NBEA: variants seen among roughly 807,000 people sequenced by gnomAD.
The protein encoded by NBEA is lysosomal-trafficking regulator 2.
In NBEA, 44 loss-of-function variants were observed where a neutral mutation model predicts 343.4. That is an observed-to-expected ratio of 0.13 (90% confidence interval 0.10 to 0.16). NBEA has a LOEUF of 0.16. NBEA is among the 10% of genes least tolerant of loss of function. NBEA has a pLI of 1.00. For missense variants in NBEA, 2,555 were observed against 3,631.3 expected (o/e 0.70, Z 7.62); for synonymous variants, 1,175 against 1,238.7 (o/e 0.95, Z 1.08).
chr13:35,398,135 A>G (rs1379468083), intron 38 of NBEA, among the ~76,000 whole-genome samples: 1 of 152,162 alleles, frequency 6.6e-6, no homozygotes, highest in East Asian at 1.9e-4. Context: ...CCAGGAGGAA[A>G]TTCCATCTCA....
intron 10 of NBEA, among the ~76,000 whole-genome samples, chr13:35,074,375 G>A (rs1293236799): frequency 6.6e-6 from 1 of 152,002 alleles, no homozygotes; most frequent in Non-Finnish European, 1.5e-5. Flanking sequence ...TTATGTAGGT[G>A]ATACAAAATA....
At chr13:35,014,193 C>G (rs1164556888) in intron 1 of NBEA, among the ~76,000 whole-genome samples, 2 of 152,044 alleles carry the variant, frequency 1.3e-5, no homozygotes, top group East Asian at 1.9e-4. Context: ...GACCAGAGAA[C>G]ATTATTTTGT....
intron 1 of NBEA, among the ~76,000 whole-genome samples, chr13:35,011,395 T>G (rs1000609409): frequency 1.3e-5 from 2 of 152,194 alleles, no homozygotes; most frequent in African/African-American, 4.8e-5. Context: ...TCAAGACTTT[T>G]AAATGAATAA....
At chr13:35,072,954 G>T (rs1243329950) in intron 10 of NBEA, among the ~76,000 whole-genome samples, 1 of 152,102 alleles carries the variant, frequency 6.6e-6, no homozygotes, top group East Asian at 1.9e-4. Flanking sequence ...CTGTGATTTA[G>T]TTATGTACTA....
In NBEA at chr13:35,646,247, C is replaced by T. The variant is rs931139611; in HGVS notation, c.7681-12C>T. On this transcript the variant is annotated splice_polypyrimidine_tract_variant and intron_variant, in intron 50 of 58. Coordinates refer to ENST00000379939, the MANE Select transcript of NBEA (RefSeq NM_001385012.1). ...CATATTGATTATGACAATCACCCTCCTTCCCCTGCAGGCCATGGAGGCACA... is the reference window on the plus strand; with the variant it reads ...CATATTGATTATGACAATCACCCTCTTTCCCCTGCAGGCCATGGAGGCACA... 2.1e-5 allele frequency: 34 copies of T among 1,600,888 alleles called. No homozygotes were observed. The highest frequency in any genetic ancestry group is 2.7e-5 in the Non-Finnish European group (32 of 1,168,874).
intron 34 of NBEA, among the ~76,000 whole-genome samples, chr13:35,240,955 G>A (rs1334535991): frequency 1.3e-5 from 2 of 151,566 alleles, no homozygotes; most frequent in African/African-American, 4.8e-5. Flanking sequence ...AATGTTCTCT[G>A]GAGAAGATAT....
intron 8 of NBEA, among the ~76,000 whole-genome samples, chr13:35,069,623 TTATA>T (rs1445718424): frequency 6.6e-6 from 1 of 152,128 alleles, no homozygotes; most frequent in Non-Finnish European, 1.5e-5. Flanking sequence ...AACATCCTAT[TTATA>T]TATAATATCA....
chr13:35,535,812 T>C (rs1223049242), intron 41 of NBEA, among the ~76,000 whole-genome samples: 1 of 152,138 alleles, frequency 6.6e-6, no homozygotes, highest in East Asian at 1.9e-4. Flanking sequence ...TACAGATATA[T>C]AAAAAATTAC....
At chr13:35,638,162 T>A (rs2083783308) in intron 49 of NBEA, among the ~76,000 whole-genome samples, 2 of 152,262 alleles carry the variant, frequency 1.3e-5, no homozygotes, top group South Asian at 4.1e-4. Context: ...TTTTAGAAGA[T>A]GAAAAGAGTT....
chr13:35,234,021 A>C (rs972141528), intron 34 of NBEA, among the ~76,000 whole-genome samples: 2 of 152,158 alleles, frequency 1.3e-5, no homozygotes, highest in Non-Finnish European at 2.9e-5. Context: ...TGCAGAGAGA[A>C]TAGTCAGTAC....
intron 36 of NBEA, among the ~76,000 whole-genome samples, chr13:35,317,063 C>T (rs919721079): frequency 2.0e-5 from 3 of 152,104 alleles, no homozygotes; most frequent in Non-Finnish European, 4.4e-5. Context: ...TGTAGGTTGC[C>T]TGTTCCCTGT....
intron 22 of NBEA, among the ~76,000 whole-genome samples, chr13:35,160,542 G>A (rs934137014): frequency 1.3e-5 from 2 of 152,108 alleles, no homozygotes; most frequent in African/African-American, 4.8e-5. Context: ...ACTATGTTCC[G>A]GGCACTGTGC....
chr13:34,968,352 T>C (rs1235418237), intron 1 of NBEA, among the ~76,000 whole-genome samples: 2 of 152,126 alleles, frequency 1.3e-5, no homozygotes, highest in Non-Finnish European at 2.9e-5. Flanking sequence ...TTAGTTTTTT[T>C]TGACTTGGCC....
Position 35,667,485 on chromosome 13 carries a change from T to C in NBEA, c.8576T>C (p.Ile2859Thr). The C allele has an allele frequency of 6.2e-7, 1 of 1,613,992 alleles. No homozygotes were observed. The highest frequency in any genetic ancestry group is 8.5e-7 in the Non-Finnish European group (1 of 1,179,866). The change falls in exon 57 of 59, where the codon ATC becomes ACC. Residue 2859 changes from isoleucine (I) to threonine (T), a missense_variant. By Grantham distance (89) the Ile-to-Thr change is moderately conservative. Around this residue, in one of 21 missense-constraint regions of NBEA, gnomAD observed 186 missense variants for 328.9 expected, o/e 0.57. Coordinates refer to ENST00000379939, the MANE Select transcript of NBEA (RefSeq NM_001385012.1). ...TCTGTCTCCAGCGAAGGCCACTGTATCATATACTATGAACGAGGGCGATTC... is the reference window on the plus strand; with the variant it reads ...TCTGTCTCCAGCGAAGGCCACTGTACCATATACTATGAACGAGGGCGATTC... The part of the protein sequence containing the change: ...LISVSSEGHC[I>T]IYYERGRFSN...
At chr13:35,494,683 C>G (rs1309237714) in intron 41 of NBEA, among the ~76,000 whole-genome samples, 2 of 151,844 alleles carry the variant, frequency 1.3e-5, no homozygotes, top group Non-Finnish European at 1.5e-5. Flanking sequence ...CCAACCATAT[C>G]AATAATAGCA....
intron 38 of NBEA, among the ~76,000 whole-genome samples, chr13:35,392,606 A>G (rs894358600): frequency 6.6e-6 from 1 of 152,136 alleles, no homozygotes; most frequent in Non-Finnish European, 1.5e-5. Flanking sequence ...TATAATACAA[A>G]GTAGCTGCAC....
intron 47 of NBEA, among the ~76,000 whole-genome samples, chr13:35,595,340 GC>G (rs1312753403): frequency 6.6e-6 from 1 of 151,898 alleles, no homozygotes; most frequent in Non-Finnish European, 1.5e-5. Flanking sequence ...CAAACATGCA[GC>G]TTTTTTTTTC....
chr13:35,010,507 G>C (rs1261610122), intron 1 of NBEA, among the ~76,000 whole-genome samples: 1 of 148,486 alleles, frequency 6.7e-6, no homozygotes, highest in Non-Finnish European at 1.5e-5. Context: ...TTTGAGCCTG[G>C]GAGATCAAGG....
chr13:35,197,563 G>C (rs1428838869), intron 31 of NBEA, among the ~76,000 whole-genome samples: 1 of 151,804 alleles, frequency 6.6e-6, no homozygotes, highest in Non-Finnish European at 1.5e-5. Flanking sequence ...TGTCACCCAG[G>C]CTAGAGTGCA....
Sources: gnomAD v4.1 joint callset for allele counts (sites outside exome capture counted in the v4.1 genomes callset) on GRCh38, gnomAD v4.1.1 for gene constraint, gnomAD v4.1.1 regional missense constraint, MANE v1.5 for transcripts, NCBI Gene and HGNC (gene_info 2026-07-23, HGNC 2026-07-21) for gene names.